Variants in GLIS3 observed in about 807,000 individuals in gnomAD.
GLIS3 encodes zinc finger protein GLIS3.
Under a neutral mutation model 78.6 loss-of-function variants are expected in GLIS3, and 53 were observed. The observed-to-expected ratio is 0.67, with a 90% CI of 0.54 to 0.85. The LOEUF (loss-of-function observed/expected upper bound fraction) is 0.85, where lower values mean the gene tolerates loss of function less well. Ranked by LOEUF, GLIS3 falls within the 40% of genes least tolerant of loss-of-function variation. The pLI, the probability that GLIS3 is intolerant of heterozygous loss-of-function variation, is 0.00. For missense variants in GLIS3, 1,703 were observed against 1,231.1 expected, an observed-to-expected ratio of 1.38 and a Z score of -5.74; for synonymous variants, 684 against 509.9, an observed-to-expected ratio of 1.34 and a Z score of -4.60.
chr9:3,913,468 C>T (rs1824285533), intron 6 of GLIS3, among the ~76,000 whole-genome samples: 1 of 152,180 alleles, frequency 6.6e-6, no homozygotes, highest in Admixed American at 6.5e-5. Flanking sequence ...GCTTCATGTC[C>T]CATGATGGAG....
the GLIS3 span, among the ~76,000 whole-genome samples, chr9:4,398,061 T>C: frequency 6.6e-6 from 1 of 152,026 alleles, no homozygotes; most frequent in South Asian, 2.1e-4. Context: ...CGGCCCCTTC[T>C]TAAGAAAGCA....
intron 2 of GLIS3, among the ~76,000 whole-genome samples, chr9:4,218,717 G>A (rs1009569386): frequency 4.6e-5 from 7 of 152,244 alleles, no homozygotes; most frequent in African/African-American, 1.7e-4. Flanking sequence ...TATTAATTTT[G>A]AATTAAATTT....
chr9:4,385,941 A>C, the GLIS3 span, among the ~76,000 whole-genome samples: 1 of 152,178 alleles, frequency 6.6e-6, no homozygotes, highest in Non-Finnish European at 1.5e-5. Context: ...CCAATCATGC[A>C]ACACTTAGCA....
intron 1 of GLIS3, among the ~76,000 whole-genome samples, chr9:4,297,848 G>C (rs926812777): frequency 6.6e-6 from 1 of 152,178 alleles, no homozygotes; most frequent in African/African-American, 2.4e-5. Context: ...GGGGAGAGGC[G>C]CGTAGGACAA....
At chr9:4,483,450 T>C in the GLIS3 span, among the ~76,000 whole-genome samples, 1 of 152,202 alleles carries the variant, frequency 6.6e-6, no homozygotes, top group Non-Finnish European at 1.5e-5. Flanking sequence ...CTGGGTGCGG[T>C]GGCTCACGCC....
intron 2 of GLIS3, among the ~76,000 whole-genome samples, chr9:4,255,447 C>A (rs995442403): frequency 1.3e-5 from 2 of 152,062 alleles, no homozygotes; most frequent in Non-Finnish European, 2.9e-5. Context: ...TCACAGTTGG[C>A]AGAACTTGGA....
intron 4 of GLIS3, among the ~76,000 whole-genome samples, chr9:3,981,190 G>T (rs569509301): frequency 6.6e-6 from 1 of 152,224 alleles, no homozygotes; most frequent in Admixed American, 6.5e-5. Context: ...CCTCTACTGG[G>T]ACATTTTTAA....
chr9:4,026,305 G>C (rs1563961330), intron 4 of GLIS3, among the ~76,000 whole-genome samples: 1 of 152,100 alleles, frequency 6.6e-6, no homozygotes, highest in Admixed American at 6.5e-5. Context: ...ATAAACATAG[G>C]TCCATTAATT....
intron 8 of GLIS3, among the ~76,000 whole-genome samples, chr9:3,876,245 G>C (rs116582214): frequency 2.5e-3 from 374 of 152,202 alleles, no homozygotes; most frequent in African/African-American, 8.7e-3. Flanking sequence ...CTTCAAAACT[G>C]TCAATGTTCT....
the GLIS3 span, among the ~76,000 whole-genome samples, chr9:4,469,199 A>T: frequency 6.6e-6 from 1 of 152,048 alleles, no homozygotes; most frequent in African/African-American, 2.4e-5. Flanking sequence ...AGACTTTAAC[A>T]CCCCACTGTC....
chr9:4,134,234 T>C (rs1402994905), intron 2 of GLIS3, among the ~76,000 whole-genome samples: 1 of 152,158 alleles, frequency 6.6e-6, no homozygotes, highest in African/African-American at 2.4e-5. Flanking sequence ...TCACTTGCAA[T>C]TGAAGTTTTT....
intron 4 of GLIS3, among the ~76,000 whole-genome samples, chr9:4,307,169 A>G (rs1012592342): frequency 6.6e-6 from 1 of 152,114 alleles, no homozygotes; most frequent in African/African-American, 2.4e-5. Flanking sequence ...TGTAGAGGCT[A>G]ATGAGTGGTG....
the GLIS3 span, among the ~76,000 whole-genome samples, chr9:4,483,791 C>T: frequency 6.6e-6 from 1 of 151,258 alleles, no homozygotes; most frequent in South Asian, 2.1e-4. Flanking sequence ...TCTGGCTCAA[C>T]CCTTTCTCCT....
At chr9:4,385,799 A>T in the GLIS3 span, among the ~76,000 whole-genome samples, 2 of 85,016 alleles carry the variant, frequency 2.4e-5, no homozygotes, top group Non-Finnish European at 4.5e-5. Context: ...GAAAGAAAGA[A>T]AGAAAGAAAG....
intron 2 of GLIS3, among the ~76,000 whole-genome samples, chr9:4,258,461 G>C (rs1360203114): frequency 6.6e-6 from 1 of 152,224 alleles, no homozygotes; most frequent in Non-Finnish European, 1.5e-5. Context: ...CTGCTAGGAA[G>C]TGTTGGGAAT....
chr9:4,106,902 C>T (rs1830797034), intron 4 of GLIS3, among the ~76,000 whole-genome samples: 1 of 151,964 alleles, frequency 6.6e-6, no homozygotes, highest in Non-Finnish European at 1.5e-5. Context: ...GGAATTGTGC[C>T]CCAAGAACAT....
At chr9:3,874,665 G>C (rs1215876880) in intron 8 of GLIS3, among the ~76,000 whole-genome samples, 9 of 152,184 alleles carry the variant, frequency 5.9e-5, no homozygotes, top group Non-Finnish European at 1.2e-4. Context: ...AGGATAGGTT[G>C]CAATTAGAGG....
At chr9:4,204,124 TA>T (rs1819640463) in intron 2 of GLIS3, among the ~76,000 whole-genome samples, 1 of 152,184 alleles carries the variant, frequency 6.6e-6, no homozygotes, top group South Asian at 2.1e-4. Flanking sequence ...AAGAGATTAC[TA>T]AAATGTCAGA....
chr9:3,923,303 AC>A (rs1334147259), intron 6 of GLIS3, among the ~76,000 whole-genome samples: 1 of 152,156 alleles, frequency 6.6e-6, no homozygotes, highest in Non-Finnish European at 1.5e-5. Flanking sequence ...TCCTTTGTCG[AC>A]CTTTTTACCT....
Sources: gnomAD v4.1 joint callset for allele counts (sites outside exome capture counted in the v4.1 genomes callset) on GRCh38, gnomAD v4.1.1 for gene constraint, MANE v1.5 for transcripts, NCBI Gene and HGNC (gene_info 2026-07-23, HGNC 2026-07-21) for gene names.